The following TMPRSS4 variants were observed in gnomAD, a reference collection of about 807,000 sequenced individuals.
TMPRSS4 encodes the protein transmembrane serine protease 4, also known as transmembrane protease serine 4.
A neutral mutation model predicts 56.4 loss-of-function variants in TMPRSS4; 45 were observed. The observed-to-expected ratio is 0.80, with a 90% CI of 0.63 to 1.02. The LOEUF is 1.02. Ranked by LOEUF, TMPRSS4 falls within the 50% of genes least tolerant of loss-of-function variation. TMPRSS4 has a pLI of 0.00. For missense variants in TMPRSS4, 546 were observed against 556.7 expected (o/e 0.98, Z 0.19); for synonymous variants, 205 against 211.0 (o/e 0.97, Z 0.25).
chr11:118,101,385 G>A (rs1267524744), intron 3 of TMPRSS4, among the ~76,000 whole-genome samples: 1 of 152,132 alleles, frequency 6.6e-6, no homozygotes, highest in Non-Finnish European at 1.5e-5. Flanking sequence ...GTCCCATCAG[G>A]CCAAGACAGA....
intron 9 of TMPRSS4, among the ~76,000 whole-genome samples, chr11:118,114,382 G>T (rs1361899615): frequency 1.3e-5 from 2 of 152,202 alleles, no homozygotes; most frequent in African/African-American, 4.8e-5. Flanking sequence ...AGGGACACCC[G>T]GGGAAGCAGC....
intron 7 of TMPRSS4, among the ~76,000 whole-genome samples, chr11:118,110,342 C>CTT (rs1320925088): frequency 9.9e-6 from 1 of 100,770 alleles, no homozygotes; most frequent in African/African-American, 4.8e-5. Flanking sequence ...ATTAGATTCT[C>CTT]TCTTTTTTTT....
At chr11:118,099,502 A>AAAGT (rs1381869593) in intron 3 of TMPRSS4, among the ~76,000 whole-genome samples, 1 of 151,860 alleles carries the variant, frequency 6.6e-6, no homozygotes, top group East Asian at 1.9e-4. Context: ...AGAAAGAAAG[A>AAAGT]CATGTATCCA....
chr11:118,114,971 A>G (rs1947464039), intron 10 of TMPRSS4, 44 bp downstream of exon 10: 1 of 1,560,714 alleles, frequency 6.4e-7, no homozygotes, highest in Non-Finnish European at 8.7e-7. Context: ...ATGCCCTTGT[A>G]TGAGGGAGCA....
In TMPRSS4 at chr11:118,117,371, G is replaced by A. The variant is rs867440865; in HGVS notation, c.1219G>A (p.Gly407Ser). 6.2e-7 allele frequency: 1 copy of A among 1,614,100 alleles called. No homozygotes were observed. The highest frequency in any genetic ancestry group is 1.1e-5 in the South Asian group (1 of 91,074). ...GCATGTGGTGGGCATCGTTAGTTGG[G>A]GCTATGGCTGCGGGGGCCCGAGCAC... ...QWHVVGIVSW[G>S]YGCGGPSTPG... is the part of the protein sequence containing the mutation. Residue 407 changes from glycine (G) to serine (S), a missense_variant, in exon 12 of 13, where the codon GGC becomes AGC. Transcript: ENST00000437212.
intron 8 of TMPRSS4, among the ~76,000 whole-genome samples, chr11:118,112,353 G>A (rs1185775061): frequency 6.7e-6 from 1 of 149,020 alleles, no homozygotes; most frequent in Non-Finnish European, 1.5e-5. Context: ...TTACCTCAGG[G>A]AAGGGCTACT....
intron 1 of TMPRSS4, among the ~76,000 whole-genome samples, chr11:118,089,536 TC>T (rs1945809839): frequency 6.6e-6 from 1 of 152,172 alleles, no homozygotes; most frequent in South Asian, 2.1e-4. Flanking sequence ...GTAATAAGCC[TC>T]CATAAACCCA....
In TMPRSS4 at chr11:118,107,821, AT is replaced by A. The variant is rs758668332; in HGVS notation, c.489del (p.Asp163GlufsTer38). On this transcript the variant is annotated frameshift_variant, in exon 6 of 13. Transcript: ENST00000437212. LOFTEE classifies it high-confidence loss of function. ...GAGATTGGCCCAGACCAGGATCTGG[AT>A]GTTGTTGAAATCACAGAAAACAGCC... ...AVEIGPDQDL[D>X]VVEITENSQE... 9 of 1,614,134 alleles carry A rather than the reference AT, an allele frequency of 5.6e-6. No individual in the cohort carries two copies. Among genetic ancestry groups the A allele is most frequent in the Non-Finnish European group, 7.6e-6 (9 of 1,180,018 alleles).
chr11:118,094,310 T>G (rs1946163511), intron 1 of TMPRSS4, among the ~76,000 whole-genome samples: 1 of 152,236 alleles, frequency 6.6e-6, no homozygotes, highest in African/African-American at 2.4e-5. Flanking sequence ...CACAGTATTA[T>G]TAGTCTTTTA....
At chr11:118,117,771 C>A in intron 12 of TMPRSS4, 131 bp from the exon 13 acceptor site, 45 of 1,569,844 alleles carry the variant, frequency 2.9e-5, no homozygotes, top group Non-Finnish European at 3.8e-5. Flanking sequence ...GCTCATGAGA[C>A]CTCCTGGCCC....
intron 7 of TMPRSS4, among the ~76,000 whole-genome samples, chr11:118,110,620 G>A (rs1205761320): frequency 1.3e-5 from 2 of 152,142 alleles, no homozygotes; most frequent in Non-Finnish European, 1.5e-5. Flanking sequence ...TGATCTGCCC[G>A]CCTGAGCCTC....
chr11:118,080,583 A>G (rs914183533), intron 1 of TMPRSS4, among the ~76,000 whole-genome samples: 1 of 152,124 alleles, frequency 6.6e-6, no homozygotes, highest in African/African-American at 2.4e-5. Flanking sequence ...GTCTTCCCTC[A>G]GTGCAGCTGA....
intron 1 of TMPRSS4, among the ~76,000 whole-genome samples, chr11:118,090,158 G>T (rs1945843211): frequency 3.9e-5 from 6 of 152,128 alleles, no homozygotes; most frequent in Non-Finnish European, 8.8e-5. Flanking sequence ...ATATTATTTT[G>T]TGTCACTACA....
intron 3 of TMPRSS4, among the ~76,000 whole-genome samples, chr11:118,099,621 C>T (rs1946632165): frequency 6.6e-6 from 1 of 152,158 alleles, no homozygotes; most frequent in Admixed American, 6.5e-5. Context: ...AGAGGGAGAG[C>T]ACAGTGGCAT....
Position 118,079,301 on chromosome 11 carries a change from C to T in TMPRSS4, c.3+1996C>T, listed in dbSNP as rs575863764. On this transcript the variant is annotated intron_variant, in intron 1 of 12. Transcript: ENST00000437212. ...CACACCCAGGCTCAGCCCTCCCTTC[C>T]CTTCCCTTCCATTCCCTACCTCCTT... Among the ~76,000 whole-genome samples the T allele has an allele frequency of 4.6e-5, 7 of 152,298 alleles. No homozygotes were observed. The South Asian group carries it at 1.4e-3, about 32-fold the overall frequency.
intron 2 of TMPRSS4, among the ~76,000 whole-genome samples, chr11:118,097,944 A>C (rs1381502209): frequency 1.3e-5 from 2 of 152,048 alleles, no homozygotes; most frequent in Admixed American, 1.3e-4. Flanking sequence ...TAATTTTTGT[A>C]TGTTTAGTAG....
chr11:118,117,480 GT>G (rs1326746428), intron 12 of TMPRSS4, 26 bp downstream of exon 12: 3 of 1,598,242 alleles, frequency 1.9e-6, no homozygotes, highest in Non-Finnish European at 2.6e-6. Flanking sequence ...CCTACCCACT[GT>G]GCCTTCCCTC....
At chr11:118,115,096 T>G (rs768206438) in intron 10 of TMPRSS4, 42 bp from the exon 11 acceptor site, 50 of 1,595,172 alleles carry the variant, frequency 3.1e-5, no homozygotes, top group Non-Finnish European at 4.2e-5. Flanking sequence ...GGCTGGGGGA[T>G]AGAAGGCAAG....
intron 1 of TMPRSS4, among the ~76,000 whole-genome samples, chr11:118,087,871 T>C (rs1945674275): frequency 6.6e-6 from 1 of 152,174 alleles, no homozygotes; most frequent in African/African-American, 2.4e-5. Flanking sequence ...CTAATATCAA[T>C]AAAGCCCCTC....
Sources: allele counts gnomAD v4.1 joint callset (sites outside exome capture counted in the v4.1 genomes callset), GRCh38; gene constraint gnomAD v4.1.1; transcripts MANE v1.5; gene names NCBI Gene and HGNC (gene_info 2026-07-23, HGNC 2026-07-21).